PTPRN2: variants seen among roughly 807,000 people sequenced by gnomAD.
PTPRN2 encodes the protein protein tyrosine phosphatase receptor type N2.
In PTPRN2, 74 loss-of-function variants were observed where a neutral mutation model predicts 118.8. The observed-to-expected ratio is 0.62, with a 90% confidence interval of 0.52 to 0.76. The LOEUF (loss-of-function observed/expected upper bound fraction) is 0.76, where lower values mean the gene tolerates loss of function less well. PTPRN2 is among the 30% of genes least tolerant of loss of function. The pLI, the probability that PTPRN2 is intolerant of heterozygous loss-of-function variation, is 0.00. For missense variants in PTPRN2, 1,481 were observed against 1,394.4 expected (o/e 1.06, Z -0.99); for synonymous variants, 641 against 608.0 (o/e 1.05, Z -0.80).
chr7:157,841,795 C>T (rs539877380), intron 12 of PTPRN2, among the ~76,000 whole-genome samples: 96 of 152,246 alleles, frequency 6.3e-4, no homozygotes, highest in Middle Eastern at 6.8e-3. Context: ...TTGCAGCGTT[C>T]GGGGTGCTGG....
chr7:158,246,697 C>T (rs1027566133), intron 3 of PTPRN2, among the ~76,000 whole-genome samples: 2 of 152,044 alleles, frequency 1.3e-5, no homozygotes, highest in Non-Finnish European at 2.9e-5. Context: ...CCTTACAGAG[C>T]TGACAGGCAA....
At chr7:157,685,249 G>C (rs1006640338) in intron 12 of PTPRN2, among the ~76,000 whole-genome samples, 1 of 151,912 alleles carries the variant, frequency 6.6e-6, no homozygotes, top group Non-Finnish European at 1.5e-5. Flanking sequence ...GCGCGGAGGC[G>C]ACCCCGGCCC....
At chr7:157,900,720 CT>C (rs1167831251) in intron 11 of PTPRN2, among the ~76,000 whole-genome samples, 1 of 152,248 alleles carries the variant, frequency 6.6e-6, no homozygotes, top group African/African-American at 2.4e-5. Context: ...GGGGCACCCC[CT>C]CCCTCAACAT....
intron 11 of PTPRN2, among the ~76,000 whole-genome samples, chr7:157,911,787 T>C (rs1798120537): frequency 6.6e-6 from 1 of 152,174 alleles, no homozygotes. Context: ...TTTTCACCTA[T>C]GTGTGTATCC....
At chr7:157,839,726 GTGAC>G (rs1808230303) in intron 12 of PTPRN2, among the ~76,000 whole-genome samples, 1 of 152,002 alleles carries the variant, frequency 6.6e-6, no homozygotes, top group South Asian at 2.1e-4. Flanking sequence ...GTGTGACTGT[GTGAC>G]TGTGTGGCTG....
At chr7:157,758,047 G>A (rs1169132478) in intron 12 of PTPRN2, among the ~76,000 whole-genome samples, 2 of 152,254 alleles carry the variant, frequency 1.3e-5, no homozygotes, top group Admixed American at 6.5e-5. Context: ...CAGCCTTGCC[G>A]GTGCGGGGGA....
rs1427118913 is a variant in PTPRN2 at position 157,583,420 on chromosome 7, G to A, written c.2497-5280C>T. ...TCAGCATGGTGACTGTAGTTAATAA[G>A]AGTGTTGGGCACAGAGATTTGCCAG... On this transcript the variant is annotated intron_variant, in intron 17 of 22. Coordinates refer to ENST00000389418, the MANE Select transcript of PTPRN2 (RefSeq NM_002847.5). This position sits in a 1 kb window ranked among gnomAD's most constrained non-coding sequence, Gnocchi z 5.5. 6.6e-6 allele frequency among the ~76,000 whole-genome samples: 1 copy of A among 152,134 alleles called. No homozygotes were observed. The highest frequency in any genetic ancestry group is 1.9e-4 in the East Asian group (1 of 5,204).
intron 12 of PTPRN2, among the ~76,000 whole-genome samples, chr7:157,793,066 C>A (rs1804620970): frequency 6.6e-6 from 1 of 151,616 alleles, no homozygotes; most frequent in South Asian, 2.1e-4. Flanking sequence ...TTAATGGGAC[C>A]CCTCTACAAT....
At chr7:157,817,686 GC>G (rs2151131719) in intron 12 of PTPRN2, among the ~76,000 whole-genome samples, 1 of 152,372 alleles carries the variant, frequency 6.6e-6, no homozygotes, top group South Asian at 2.1e-4. Context: ...GGGTGAGGGG[GC>G]CAAGGAGAGC....
intron 14 of PTPRN2, among the ~76,000 whole-genome samples, chr7:157,623,114 T>G (rs1238129581): frequency 1.3e-5 from 2 of 152,250 alleles, no homozygotes; most frequent in Non-Finnish European, 2.9e-5. Flanking sequence ...ATGCTACACA[T>G]TCTTTCTTTT....
chr7:157,566,138 C>T (rs1402627118), intron 21 of PTPRN2, among the ~76,000 whole-genome samples: 1 of 152,252 alleles, frequency 6.6e-6, no homozygotes, highest in Non-Finnish European at 1.5e-5. Flanking sequence ...GCCGCAGCTG[C>T]TGGAGCTAAA....
At chr7:158,071,414 C>CGTGGTGGAGGTG (rs1811580340) in intron 11 of PTPRN2, among the ~76,000 whole-genome samples, 1 of 39,260 alleles carries the variant, frequency 2.5e-5, no homozygotes, top group Admixed American at 3.2e-4. Context: ...TGGAGTTGCT[C>CGTGGTGGAGGTG]CTGGTGGTGG....
chr7:158,378,616 G>C (rs980797112), intron 2 of PTPRN2, among the ~76,000 whole-genome samples: 1 of 152,154 alleles, frequency 6.6e-6, no homozygotes. Context: ...TCTCTGCCTT[G>C]ATATCACCAC....
intron 3 of PTPRN2, among the ~76,000 whole-genome samples, chr7:158,276,271 CCAACA>C (rs1798970857): frequency 1.1e-5 from 1 of 91,208 alleles, no homozygotes; most frequent in African/African-American, 3.5e-5. Flanking sequence ...CACTCTGGCC[CCAACA>C]GGCTGTAAGG....
chr7:158,276,001 C>T (rs1271936258), intron 3 of PTPRN2, among the ~76,000 whole-genome samples: 2 of 152,320 alleles, frequency 1.3e-5, no homozygotes, highest in South Asian at 4.1e-4. Context: ...CTTACACGTG[C>T]TATGGCTGCC....
intron 11 of PTPRN2, among the ~76,000 whole-genome samples, chr7:158,001,256 G>A (rs1805235618): frequency 6.6e-6 from 1 of 151,608 alleles, no homozygotes; most frequent in Admixed American, 6.6e-5. Flanking sequence ...GGTACAGGGT[G>A]GGGCTGAGGT....
intron 2 of PTPRN2, among the ~76,000 whole-genome samples, chr7:158,421,179 TG>T (rs1399525644): frequency 6.6e-6 from 1 of 152,176 alleles, no homozygotes; most frequent in Non-Finnish European, 1.5e-5. Flanking sequence ...CCATTCTGGC[TG>T]GTGGTCCCCT....
At chr7:158,008,342 A>G (rs1805809867) in intron 11 of PTPRN2, among the ~76,000 whole-genome samples, 1 of 152,234 alleles carries the variant, frequency 6.6e-6, no homozygotes, top group Admixed American at 6.5e-5. Context: ...TTCAGGAGAA[A>G]GAAAACAGGA....
At chr7:158,524,987 C>T (rs1824659616) in intron 1 of PTPRN2, among the ~76,000 whole-genome samples, 1 of 152,196 alleles carries the variant, frequency 6.6e-6, no homozygotes, top group Non-Finnish European at 1.5e-5. Context: ...CCTGTGCCAG[C>T]ATCACTGCCC....
Sources: allele counts gnomAD v4.1 joint callset (sites outside exome capture counted in the v4.1 genomes callset), GRCh38; gene constraint gnomAD v4.1.1; non-coding constraint Gnocchi (gnomAD v3.1); transcripts MANE v1.5; gene names NCBI Gene and HGNC (gene_info 2026-07-23, HGNC 2026-07-21).